The following MAST4 variants were observed in gnomAD, a reference collection of about 807,000 sequenced individuals.
MAST4 encodes microtubule associated serine/threonine kinase family member 4, also known as microtubule-associated serine/threonine-protein kinase 4.
A neutral mutation model predicts 162.7 loss-of-function variants in MAST4; 89 were observed. The ratio of observed to expected loss-of-function variants is 0.55; its 90% CI spans 0.46 to 0.65. The LOEUF (loss-of-function observed/expected upper bound fraction) is 0.65, where lower values mean the gene tolerates loss of function less well. Among genes scored for constraint, MAST4 ranks in the 30% least tolerant of loss-of-function variants. The probability of loss-of-function intolerance (pLI) is 0.00; values close to 1 mark genes in which losing one functional copy is unlikely to be tolerated. For missense variants in MAST4, 3,153 were observed against 3,374.0 expected (o/e 0.93, Z 1.62); for synonymous variants, 1,479 against 1,361.1 (o/e 1.09, Z -1.91).
intron 12 of MAST4, among the ~76,000 whole-genome samples, chr5:67,116,771 G>C (rs2150934496): frequency 6.6e-6 from 1 of 152,164 alleles, no homozygotes; most frequent in East Asian, 2.0e-4. Flanking sequence ...AGCCGAGATG[G>C]CGCCATTGCA....
intron 4 of MAST4, among the ~76,000 whole-genome samples, chr5:66,998,944 A>G (rs1190115878): frequency 1.3e-5 from 2 of 152,360 alleles, no homozygotes; most frequent in East Asian, 3.9e-4. Flanking sequence ...AGTGACAACA[A>G]GGTTGGTCTT....
chr5:66,700,831 A>G (rs914045482), intron 1 of MAST4, among the ~76,000 whole-genome samples: 1 of 151,564 alleles, frequency 6.6e-6, no homozygotes, highest in South Asian at 2.1e-4. Flanking sequence ...ACACACATAT[A>G]TACACATCGG....
At position 67,165,701 on chromosome 5, in the gene MAST4, G is replaced by T; in HGVS notation, c.6522G>T (p.Ser2174=). 6.3e-7 allele frequency: 1 copy of T among 1,577,330 alleles called. No homozygotes were observed. The highest frequency in any genetic ancestry group is 8.6e-7 in the Non-Finnish European group (1 of 1,162,740). Residue 2174 remains serine (S), a synonymous_variant, in exon 29 of 29, where the codon TCG becomes TCT. Transcript: ENST00000403625. ...GAKPSTAEPS[S]SPQDPPKPVA... ...AGCCCAGCACTGCAGAGCCCAGCTC[G>T]AGCCCCCAGGACCCTCCCAAGCCTG...
chr5:67,120,973 C>A (rs1767503254), intron 13 of MAST4, 44 bp from the exon 14 acceptor site: 2 of 1,369,538 alleles, frequency 1.5e-6, no homozygotes, highest in South Asian at 1.3e-5. Flanking sequence ...AAATAATTTT[C>A]TTAAATCTAA....
chr5:67,067,623 A>G (rs568299993), intron 5 of MAST4, among the ~76,000 whole-genome samples: 5 of 152,266 alleles, frequency 3.3e-5, no homozygotes, highest in African/African-American at 1.2e-4. Context: ...GCTGGGACAC[A>G]CTTGCAGTAG....
chr5:66,909,223 C>T (rs551534314), intron 4 of MAST4, among the ~76,000 whole-genome samples: 87 of 152,226 alleles, frequency 5.7e-4, no homozygotes, highest in African/African-American at 2.0e-3. Context: ...TTGTACCCTG[C>T]GTTGGTAACC....
At chr5:66,832,487 C>A (rs145017693) in intron 3 of MAST4, among the ~76,000 whole-genome samples, 1 of 151,900 alleles carries the variant, frequency 6.6e-6, no homozygotes, top group African/African-American at 2.4e-5. Context: ...AACATTCTTA[C>A]GCTGGCCTAG....
intron 26 of MAST4, among the ~76,000 whole-genome samples, chr5:67,154,039 T>G (rs1772177020): frequency 1.3e-5 from 2 of 152,218 alleles, no homozygotes; most frequent in Non-Finnish European, 1.5e-5. Context: ...GTACTATAAA[T>G]TATAAAAAAT....
intron 4 of MAST4, among the ~76,000 whole-genome samples, chr5:66,985,241 A>G (rs1749348429): frequency 6.6e-6 from 1 of 152,130 alleles, no homozygotes; most frequent in African/African-American, 2.4e-5. Context: ...CTGATCCTTC[A>G]TTAGGAGGAT....
intron 4 of MAST4, among the ~76,000 whole-genome samples, chr5:67,003,058 A>T (rs1337449952): frequency 6.6e-6 from 1 of 151,158 alleles, no homozygotes; most frequent in Non-Finnish European, 1.5e-5. Flanking sequence ...GAGGTCTAGA[A>T]ACTGCTCCGG....
intron 4 of MAST4, among the ~76,000 whole-genome samples, chr5:67,050,405 C>T (rs1758026107): frequency 6.6e-6 from 1 of 152,192 alleles, no homozygotes; most frequent in African/African-American, 2.4e-5. Context: ...TTCTTACACG[C>T]AGTGTTCTGT....
At chr5:66,874,743 T>A (rs34554558) in intron 3 of MAST4, among the ~76,000 whole-genome samples, 1,614 of 152,338 alleles carry the variant, frequency 0.011, 24 homozygotes, top group Middle Eastern at 0.037. Context: ...TACCTTTCTC[T>A]AATGATAACA....
chr5:67,163,825 A>T lies in MAST4; in HGVS notation c.4646A>T (p.Glu1549Val), dbSNP rs1415138835. The change falls in exon 29 of 29, where the codon GAA becomes GTA. Residue 1549 changes from glutamate to valine, a missense_variant. By Grantham distance (121) the Glu-to-Val change is moderately radical. This residue lies in a region of MAST4 where 1,644 missense variants were observed against 1,495.0 expected (regional missense o/e 1.10). Coordinates refer to ENST00000403625, the MANE Select transcript of MAST4 (RefSeq NM_001164664.2). The surrounding 1 kb of genome is among the most constrained non-coding windows in gnomAD (Gnocchi z 7.0). ...GCAGACGGCTTCCCAGAGAAACAGG[A>T]ATCCCACCAGAAATCCCATGGACCC... The part of the protein sequence containing the change: ...KKADGFPEKQ[E>V]SHQKSHGPGS... 1 of 1,613,272 alleles carries T rather than the reference A, an allele frequency of 6.2e-7. No homozygotes were observed. The highest frequency in any genetic ancestry group is 8.5e-7 in the Non-Finnish European group (1 of 1,179,646).
At chr5:66,641,958 T>G (rs1259254698) in intron 1 of MAST4, among the ~76,000 whole-genome samples, 4 of 152,338 alleles carry the variant, frequency 2.6e-5, no homozygotes, top group Admixed American at 6.5e-5. Flanking sequence ...TAGTTAATAA[T>G]TTTCTCTTTA....
chr5:67,113,423 C>T (rs1017829650), intron 11 of MAST4, among the ~76,000 whole-genome samples: 11 of 150,746 alleles, frequency 7.3e-5, no homozygotes, highest in South Asian at 2.1e-4. Context: ...ACACACTAGA[C>T]GCAAGAGGCA....
chr5:66,925,730 T>G (rs1009988884), intron 4 of MAST4, among the ~76,000 whole-genome samples: 18 of 152,188 alleles, frequency 1.2e-4, no homozygotes, highest in African/African-American at 4.3e-4. Context: ...GTAACAGGTG[T>G]TCCATAAATA....
At position 67,164,802 on chromosome 5, in the gene MAST4, T is replaced by C. The variant is rs55970008; in HGVS notation, c.5623T>C (p.Trp1875Arg). 0.018 allele frequency: 29,726 copies of C among 1,613,894 alleles called. 952 individuals are homozygous for C. Among genetic ancestry groups the C allele is most frequent in the African/African-American group, 0.14 (10,198 of 75,000 alleles). Reference sequence around the variant, plus strand: ...GAATAAATCCTACCTGCTGGAGCCTTGGTTCCTGCCCCCCAGCCGAGGTCT... The same window carrying C: ...GAATAAATCCTACCTGCTGGAGCCTCGGTTCCTGCCCCCCAGCCGAGGTCT... The part of the protein sequence containing the change: ...KMNKSYLLEP[W>R]FLPPSRGLQN... The change falls in exon 29 of 29, where the codon TGG becomes CGG. Residue 1875 changes from tryptophan (W) to arginine (R), a missense_variant. Trp to Arg is a moderately radical substitution (Grantham distance 101). Coordinates refer to ENST00000403625, the MANE Select transcript of MAST4 (RefSeq NM_001164664.2). The surrounding 1 kb of genome is among the most constrained non-coding windows in gnomAD (Gnocchi z 5.3).
At chr5:67,111,280 A>G (rs1003748134) in intron 11 of MAST4, among the ~76,000 whole-genome samples, 2 of 152,210 alleles carry the variant, frequency 1.3e-5, no homozygotes, top group African/African-American at 4.8e-5. Context: ...ACATACATAC[A>G]TACATAATAC....
At chr5:66,818,813 G>A (rs755521676) in intron 3 of MAST4, among the ~76,000 whole-genome samples, 1 of 152,172 alleles carries the variant, frequency 6.6e-6, no homozygotes, top group Non-Finnish European at 1.5e-5. Flanking sequence ...GGCATACAAA[G>A]CCTGAATTCT....
Sources: allele counts gnomAD v4.1 joint callset (sites outside exome capture counted in the v4.1 genomes callset), GRCh38; gene constraint gnomAD v4.1.1; regional missense constraint gnomAD v4.1.1; non-coding constraint Gnocchi (gnomAD v3.1); transcripts MANE v1.5; gene names NCBI Gene and HGNC (gene_info 2026-07-23, HGNC 2026-07-21).